Variants in GALNT13 observed in about 807,000 individuals in gnomAD.
GALNT13 encodes the protein UDP-GalNAc:polypeptide N-acetylgalactosaminyltransferase 13.
In GALNT13, 28 loss-of-function variants were observed where a neutral mutation model predicts 64.2. The ratio of observed to expected loss-of-function variants is 0.44; its 90% confidence interval spans 0.32 to 0.60. GALNT13 has a LOEUF of 0.60. Among genes scored for constraint, GALNT13 ranks in the 20% least tolerant of loss-of-function variants. The pLI is 0.05. For synonymous variants in GALNT13, 214 were observed against 224.6 expected, an observed-to-expected ratio of 0.95 and a Z score of 0.42; for missense variants, 577 against 669.8, an observed-to-expected ratio of 0.86 and a Z score of 1.53.
At chr2:154,097,936 T>C (rs1455932929) in intron 3 of GALNT13, among the ~76,000 whole-genome samples, 1 of 152,042 alleles carries the variant, frequency 6.6e-6, no homozygotes, top group Non-Finnish European at 1.5e-5. Context: ...AATTTAATCC[T>C]GCATTTTTAA....
chr2:153,813,801 T>G, the GALNT13 span, among the ~76,000 whole-genome samples: 9 of 152,304 alleles, frequency 5.9e-5, no homozygotes, highest in East Asian at 1.5e-3. Context: ...ACAACTATAA[T>G]TTATTATTTC....
chr2:153,774,368 G>A, the GALNT13 span, among the ~76,000 whole-genome samples: 130,998 of 151,952 alleles, frequency 0.86, 57,356 homozygotes, highest in Non-Finnish European at 0.9. Flanking sequence ...AATTAATTTT[G>A]TAATCAGAAA....
intron 3 of GALNT13, among the ~76,000 whole-genome samples, chr2:154,026,619 A>G (rs1697983591): frequency 6.6e-6 from 1 of 152,192 alleles, no homozygotes; most frequent in South Asian, 2.1e-4. Context: ...TCTCACATGC[A>G]GGAGAGAGTG....
chr2:154,009,785 A>G (rs1696504108), intron 3 of GALNT13, among the ~76,000 whole-genome samples: 1 of 152,030 alleles, frequency 6.6e-6, no homozygotes, highest in African/African-American at 2.4e-5. Flanking sequence ...GATTCTCCCT[A>G]TCTATGAGCA....
At chr2:153,524,111 T>C in the GALNT13 span, among the ~76,000 whole-genome samples, 1 of 152,196 alleles carries the variant, frequency 6.6e-6, no homozygotes, top group East Asian at 1.9e-4. Flanking sequence ...ATTACATTAC[T>C]TAGTTTTTCA....
chr2:153,537,299 A>C, the GALNT13 span, among the ~76,000 whole-genome samples: 408 of 152,320 alleles, frequency 2.7e-3, 2 homozygotes, highest in African/African-American at 9.3e-3. Flanking sequence ...GGTTTTCCAA[A>C]GAGCATTCTG....
In GALNT13 at chr2:153,933,832, A is replaced by G. The variant is rs574093407; in HGVS notation, c.-104-10562A>G. On this transcript the variant is annotated intron_variant, in intron 2 of 12. Coordinates refer to ENST00000392825, the MANE Select transcript of GALNT13 (RefSeq NM_052917.4). ...CATTAGCTTGTCTGAAAAGGATTTT[A>G]TTTCTCCTTCTCTTACGAAGCTTCA... Among the ~76,000 whole-genome samples, 17 of 152,208 alleles carry G rather than the reference A, an allele frequency of 1.1e-4. No individual in the cohort carries two copies. In the South Asian group the frequency reaches 1.7e-3, roughly 15 times the overall value.
the GALNT13 span, among the ~76,000 whole-genome samples, chr2:153,628,807 C>CT: frequency 1.3e-5 from 2 of 151,974 alleles, no homozygotes; most frequent in Non-Finnish European, 2.9e-5. Flanking sequence ...CTAAAATTCT[C>CT]TTTTTTTGTT....
At chr2:153,939,833 C>T (rs1301113295) in intron 2 of GALNT13, among the ~76,000 whole-genome samples, 1 of 152,140 alleles carries the variant, frequency 6.6e-6, no homozygotes, top group Non-Finnish European at 1.5e-5. Context: ...TCATCCTAGC[C>T]TTACAAGGTA....
the GALNT13 span, among the ~76,000 whole-genome samples, chr2:153,616,026 A>T: frequency 6.6e-6 from 1 of 151,944 alleles, no homozygotes; most frequent in African/African-American, 2.4e-5. Context: ...TATCCTGGAG[A>T]TATTCCCCAG....
At chr2:153,628,378 C>G in the GALNT13 span, among the ~76,000 whole-genome samples, 1 of 152,088 alleles carries the variant, frequency 6.6e-6, no homozygotes, top group African/African-American at 2.4e-5. Context: ...ACTTCCAACA[C>G]TATGTTGAAT....
At chr2:153,323,668 A>G in the GALNT13 span, among the ~76,000 whole-genome samples, 2 of 152,188 alleles carry the variant, frequency 1.3e-5, no homozygotes, top group South Asian at 4.1e-4. Context: ...TTATTGTATA[A>G]GGTGTAAGGA....
chr2:154,283,598 T>C (rs1023182737), intron 8 of GALNT13, among the ~76,000 whole-genome samples: 1 of 150,694 alleles, frequency 6.6e-6, no homozygotes, highest in African/African-American at 2.4e-5. Context: ...AAAAAAATTA[T>C]ACTTCAGTTT....
chr2:153,522,689 G>A, the GALNT13 span, among the ~76,000 whole-genome samples: 1 of 152,006 alleles, frequency 6.6e-6, no homozygotes, highest in East Asian at 1.9e-4. Context: ...GAGATATTTG[G>A]CCCCCTTTTT....
intron 8 of GALNT13, among the ~76,000 whole-genome samples, chr2:154,277,605 G>A (rs1484273188): frequency 5.9e-5 from 9 of 152,028 alleles, no homozygotes; most frequent in Non-Finnish European, 1.5e-5. Flanking sequence ...TAGATACTAG[G>A]ACTGACTCTG....
chr2:153,998,742 AGGGT>A, intron 3 of GALNT13, among the ~76,000 whole-genome samples: 1 of 152,056 alleles, frequency 6.6e-6, no homozygotes, highest in Non-Finnish European at 1.5e-5. Flanking sequence ...GGTATTGCCT[AGGGT>A]TTCTTCTAGG....
the GALNT13 span, among the ~76,000 whole-genome samples, chr2:153,746,187 A>T: frequency 3.9e-5 from 6 of 152,286 alleles, no homozygotes; most frequent in South Asian, 1.2e-3. Flanking sequence ...AGCTCAACAA[A>T]TTTCCAAAAC....
chr2:153,106,497 C>A, the GALNT13 span, among the ~76,000 whole-genome samples: 2 of 152,132 alleles, frequency 1.3e-5, no homozygotes, highest in Non-Finnish European at 2.9e-5. Context: ...CAAGCCCATC[C>A]CTTCTTGCTT....
chr2:154,310,021 G>C (rs1042499187), intron 9 of GALNT13, among the ~76,000 whole-genome samples: 1 of 152,128 alleles, frequency 6.6e-6, no homozygotes, highest in Admixed American at 6.6e-5. Flanking sequence ...GGGTCTCCAA[G>C]CTTAACATGC....
Sources: allele counts gnomAD v4.1 joint callset (sites outside exome capture counted in the v4.1 genomes callset), GRCh38; gene constraint gnomAD v4.1.1; transcripts MANE v1.5; gene names NCBI Gene and HGNC (gene_info 2026-07-23, HGNC 2026-07-21).